GMPS: variants seen among roughly 807,000 people sequenced by gnomAD.
GMPS encodes the protein GMP synthase [glutamine-hydrolyzing].
GMPS carries 15 observed loss-of-function variants against 77.9 expected under a neutral mutation model. That is an observed-to-expected ratio of 0.19 (90% CI 0.13 to 0.30). The LOEUF (loss-of-function observed/expected upper bound fraction) is 0.30. Among genes scored for constraint, GMPS ranks in the 10% least tolerant of loss-of-function variants. The pLI, the probability that GMPS is intolerant of heterozygous loss-of-function variation, is 1.00. For missense variants in GMPS, 590 were observed against 838.8 expected (o/e 0.70, Z 3.66); for synonymous variants, 224 against 275.9 (o/e 0.81, Z 1.86).
rs1348320621 is a variant in GMPS at position 155,939,882 on chromosome 3, A to G, written c.*2190A>G. On this transcript the variant is annotated 3_prime_UTR_variant, in exon 16 of 16. Transcript: ENST00000496455. ...CATCTGAGCCACTGAGGAAAGTTAA[A>G]GGTTGCACTTCCATTTTACAGTTAA... 5.0e-6 allele frequency: 1 copy of G among 201,966 alleles called. No individual in the cohort carries two copies. Among genetic ancestry groups the G allele is most frequent in the Admixed American group, 6.0e-5 (1 of 16,700 alleles). The allele number at this position is 201,966 out of a possible 1,614,324, so 12.5% of individuals were successfully genotyped here. A position where few individuals can be genotyped will look rare whatever the true frequency, so the allele number is the denominator to read the frequency against.
chr3:155,916,567 G>C (rs1755185788), intron 9 of GMPS, among the ~76,000 whole-genome samples: 1 of 152,138 alleles, frequency 6.6e-6, no homozygotes, highest in Admixed American at 6.6e-5. Flanking sequence ...ATGTTTTCAA[G>C]GTTCATCCAT....
chr3:155,939,857 C>T lies in GMPS; in HGVS notation c.*2165C>T, dbSNP rs182793808. 6.5e-5 allele frequency: 13 copies of T among 201,104 alleles called. No individual in the cohort carries two copies. The highest frequency in any genetic ancestry group is 1.0e-5 in the Non-Finnish European group (1 of 97,614). 12.5% of individuals were successfully genotyped at this position (201,104 alleles called of 1,614,324 possible). A position where few individuals can be genotyped will look rare whatever the true frequency, so the allele number is the denominator to read the frequency against. ...ATTACTCTGTACCTTCACAGTATTT[C>T]ATCTGAGCCACTGAGGAAAGTTAAA... On this transcript the variant is annotated 3_prime_UTR_variant, in exon 16 of 16. Transcript: ENST00000496455.
rs551622547 is a variant in GMPS, at chr3:155,875,479, C to T, written c.27+4582C>T. ...CTCCTGGGCTCAGGTGATCCACCGG[C>T]CTCACCTCCCAAAGTGCTAAGATGA... is the stretch of plus-strand genomic sequence containing the variant. On this transcript the variant is annotated intron_variant, in intron 1 of 15. Transcript: ENST00000496455. Among the ~76,000 whole-genome samples the T allele has an allele frequency of 8.5e-5, 13 of 152,358 alleles. No individual in the cohort carries two copies. In the East Asian group the frequency reaches 2.5e-3, roughly 29 times the overall value.
intron 15 of GMPS, 39 bp downstream of exon 15, chr3:155,936,549 C>T (rs1214602655): frequency 5.2e-6 from 6 of 1,144,914 alleles, no homozygotes; most frequent in African/African-American, 1.5e-5. Context: ...GTTCTCAGTA[C>T]CTCTTACATT....
Position 155,926,027 on chromosome 3 carries a change from C to T in GMPS, c.1560+661C>T, listed in dbSNP as rs138666184. ...AGTATGTTAATTTCTCCTCTTTTTTCTGGAGACAGGGTCTTGCCCTGTCGC... is the reference window on the plus strand; with the variant it reads ...AGTATGTTAATTTCTCCTCTTTTTTTTGGAGACAGGGTCTTGCCCTGTCGC... On this transcript the variant is annotated intron_variant, in intron 12 of 15. Transcript: ENST00000496455. Among the ~76,000 whole-genome samples the T allele has an allele frequency of 3.3e-5, 5 of 152,178 alleles. No individual in the cohort carries two copies. In the East Asian group the frequency reaches 9.7e-4, roughly 29 times the overall value.
At chr3:155,882,024 C>T (rs1441236705) in intron 1 of GMPS, among the ~76,000 whole-genome samples, 1 of 151,940 alleles carries the variant, frequency 6.6e-6, no homozygotes, top group Non-Finnish European at 1.5e-5. Context: ...GCTGAGGTCG[C>T]ACCACCGCAC....
intron 2 of GMPS, among the ~76,000 whole-genome samples, chr3:155,894,227 G>T (rs191446569): frequency 1.3e-5 from 2 of 152,082 alleles, no homozygotes; most frequent in African/African-American, 4.8e-5. Flanking sequence ...TTAATGTCAT[G>T]CTTTCTTTTT....
chr3:155,896,886 T>C (rs1233768484), intron 2 of GMPS, among the ~76,000 whole-genome samples: 1 of 152,152 alleles, frequency 6.6e-6, no homozygotes, highest in African/African-American at 2.4e-5. Flanking sequence ...TAAGTTTTTA[T>C]TAGATTTTAC....
At chr3:155,880,299 C>T (rs562853937) in intron 1 of GMPS, among the ~76,000 whole-genome samples, 1 of 152,270 alleles carries the variant, frequency 6.6e-6, no homozygotes, top group African/African-American at 2.4e-5. Context: ...TTTTAACAGA[C>T]TGGCTCTTAG....
rs199826790 is a variant in GMPS, at chr3:155,882,392, G to A, written c.28-11126G>A. Among the ~76,000 whole-genome samples, 6 of 152,182 alleles carry A rather than the reference G, an allele frequency of 3.9e-5. 1 individual carries two copies. Among genetic ancestry groups the A allele is most frequent in the East Asian group, 1.9e-4 (1 of 5,202 alleles). The stretch of plus-strand genomic sequence containing the variant: ...AGTCTTTCATTCATGTTTATGTAGT[G>A]CATCACAGTAAGAGAGTTACATATG... On this transcript the variant is annotated intron_variant, in intron 1 of 15. Transcript: ENST00000496455.
chr3:155,907,229 C>A (rs1284329570), intron 5 of GMPS, among the ~76,000 whole-genome samples: 1 of 152,064 alleles, frequency 6.6e-6, no homozygotes, highest in African/African-American at 2.4e-5. Context: ...TTTTATTCAT[C>A]CAACAAACAT....
chr3:155,891,273 C>G (rs1438541243), intron 1 of GMPS, among the ~76,000 whole-genome samples: 3 of 152,070 alleles, frequency 2.0e-5, no homozygotes, highest in Non-Finnish European at 2.9e-5. Context: ...AAAAAGCATA[C>G]TTAGATTTGG....
Position 155,941,416 on chromosome 3 carries a change from A to AT in GMPS, c.*3724_*3725insT. The AT allele has an allele frequency of 5.2e-6, 1 of 192,258 alleles. No individual in the cohort carries two copies. Among genetic ancestry groups the AT allele is most frequent in the East Asian group, 8.3e-5 (1 of 12,108 alleles). 11.9% of individuals were successfully genotyped at this position (192,258 alleles called of 1,614,324 possible). The stretch of plus-strand genomic sequence containing the variant: ...AGACTCAGTCTCAAAAAAAAAAAAA[A>AT]AAGGAAGTTCTTAGTGTGTAATTGA... On this transcript the variant is annotated 3_prime_UTR_variant, in exon 16 of 16. Transcript: ENST00000496455.
chr3:155,911,175 A>G lies in GMPS; in HGVS notation c.782A>G (p.Asn261Ser), dbSNP rs762639569. 2 of 1,613,188 alleles carry G rather than the reference A, an allele frequency of 1.2e-6. No homozygotes were observed. The highest frequency in any genetic ancestry group is 2.2e-5 in the South Asian group (2 of 91,050). Residue 261 changes from asparagine (N) to serine (S), a missense_variant, in exon 7 of 16, where the codon AAC becomes AGC. Transcript: ENST00000496455. The stretch of plus-strand genomic sequence containing the variant: ...ACAGCTTTGCTAAATCGTGCTTTGA[A>G]CCAAGAACAAGTCATTGCTGTGCAC... ...VCTALLNRAL[N>S]QEQVIAVHID...
chr3:155,884,388 G>GA lies in GMPS; in HGVS notation c.28-9116dup, dbSNP rs749938205. Among the ~76,000 whole-genome samples the GA allele has an allele frequency of 5.8e-3, 513 of 88,310 alleles. 1 individual carries two copies. Among genetic ancestry groups the GA allele is most frequent in the East Asian group, 0.011 (35 of 3,238 alleles). The allele number at this position is 88,310 out of a possible 152,430, so 57.9% of individuals were successfully genotyped here. On this transcript the variant is annotated intron_variant, in intron 1 of 15. Coordinates refer to ENST00000496455, the MANE Select transcript of GMPS (RefSeq NM_003875.3). ...GCAACAGAGCGAGACTCTGCCTCCA[G>GA]AAAAAAAAAAAAAAGAAAAAAAAAT...
Position 155,942,945 on chromosome 3 carries a change from T to C in GMPS, c.*5253T>C, listed in dbSNP as rs1042842163. On this transcript the variant is annotated 3_prime_UTR_variant, in exon 16 of 16. Transcript: ENST00000496455. ...CATCTTAATTGGCTCATTAACATAT[T>C]TGTGACCAGGCACAGTGGCGCATGC... 1 of 189,402 alleles carries C rather than the reference T, an allele frequency of 5.3e-6. No individual in the cohort carries two copies. The highest frequency in any genetic ancestry group is 1.1e-5 in the Non-Finnish European group (1 of 90,216). The allele number at this position is 189,402 out of a possible 1,614,324, so 11.7% of individuals were successfully genotyped here. A position where few individuals can be genotyped will look rare whatever the true frequency, so the allele number is the denominator to read the frequency against.
chr3:155,921,609 C>G (rs1055747396), intron 10 of GMPS, among the ~76,000 whole-genome samples: 1 of 152,074 alleles, frequency 6.6e-6, no homozygotes, highest in African/African-American at 2.4e-5. Flanking sequence ...CCAGCCTGAA[C>G]AGCATAGTGA....
chr3:155,900,680 A>G (rs897555899), intron 3 of GMPS, among the ~76,000 whole-genome samples: 19 of 152,184 alleles, frequency 1.2e-4, no homozygotes, highest in African/African-American at 4.3e-4. Context: ...AGGATGTTTT[A>G]TAGCCAAAGC....
chr3:155,873,052 C>T (rs1412151579), intron 1 of GMPS, among the ~76,000 whole-genome samples: 1 of 152,128 alleles, frequency 6.6e-6, no homozygotes, highest in East Asian at 1.9e-4. Flanking sequence ...CCACCTTTCC[C>T]TTGGGAGGAA....
Sources: allele counts gnomAD v4.1 joint callset (sites outside exome capture counted in the v4.1 genomes callset), GRCh38; gene constraint gnomAD v4.1.1; transcripts MANE v1.5; gene names NCBI Gene and HGNC (gene_info 2026-07-23, HGNC 2026-07-21).